Variants in KCND2 observed in about 807,000 individuals in gnomAD.
KCND2 encodes the protein A-type voltage-gated potassium channel KCND2.
Under a neutral mutation model 54.4 loss-of-function variants are expected in KCND2, and 16 were observed. That is an observed-to-expected ratio of 0.29 (90% CI 0.20 to 0.45). The LOEUF is 0.45. KCND2 is among the 20% of genes least tolerant of loss of function. The pLI is 1.00. For synonymous variants in KCND2, 317 were observed against 310.7 expected (o/e 1.02, Z -0.21); for missense variants, 486 against 824.2 (o/e 0.59, Z 5.02).
intron 1 of KCND2, among the ~76,000 whole-genome samples, chr7:120,471,659 C>T (rs1216591482): frequency 3.3e-5 from 5 of 152,106 alleles, no homozygotes; most frequent in Non-Finnish European, 7.4e-5. Context: ...CAATCACTGT[C>T]CTCAGGGTCT....
chr7:120,308,051 A>G (rs1237632054), intron 1 of KCND2, among the ~76,000 whole-genome samples: 1 of 152,060 alleles, frequency 6.6e-6, no homozygotes, highest in Non-Finnish European at 1.5e-5. Context: ...TGAATTGTTT[A>G]TGTGGACAAT....
At chr7:120,386,878 C>A (rs533450310) in intron 1 of KCND2, among the ~76,000 whole-genome samples, 1 of 152,192 alleles carries the variant, frequency 6.6e-6, no homozygotes, top group East Asian at 1.9e-4. Flanking sequence ...TATCAACATT[C>A]CAAGTATGAC....
intron 1 of KCND2, among the ~76,000 whole-genome samples, chr7:120,667,480 T>C (rs191190208): frequency 6.6e-5 from 10 of 152,086 alleles, no homozygotes; most frequent in African/African-American, 2.4e-4. Flanking sequence ...ATGAACCCCA[T>C]ACTGTGTGTA....
intron 1 of KCND2, among the ~76,000 whole-genome samples, chr7:120,502,607 G>A (rs1802952914): frequency 1.3e-5 from 2 of 152,012 alleles, no homozygotes; most frequent in Non-Finnish European, 2.9e-5. Flanking sequence ...CCTTCAGGTA[G>A]CTCTGTGGAA....
intron 1 of KCND2, among the ~76,000 whole-genome samples, chr7:120,344,402 C>T (rs1584739493): frequency 6.6e-6 from 1 of 152,156 alleles, no homozygotes; most frequent in East Asian, 1.9e-4. Context: ...AGAAAAACAA[C>T]TAAAGAGAAC....
At chr7:120,682,953 C>A (rs2116591969) in intron 1 of KCND2, among the ~76,000 whole-genome samples, 1 of 152,234 alleles carries the variant, frequency 6.6e-6, no homozygotes, top group South Asian at 2.1e-4. Context: ...CATAGAACAA[C>A]TTGCAAAGAA....
intron 1 of KCND2, among the ~76,000 whole-genome samples, chr7:120,457,316 C>A (rs887269905): frequency 3.3e-5 from 5 of 152,186 alleles, no homozygotes; most frequent in Non-Finnish European, 5.9e-5. Flanking sequence ...AATTTCTTCC[C>A]AGAAAATGGG....
intron 1 of KCND2, among the ~76,000 whole-genome samples, chr7:120,454,742 A>C (rs1211478384): frequency 1.3e-5 from 2 of 152,134 alleles, no homozygotes; most frequent in East Asian, 3.8e-4. Flanking sequence ...AAGTCATCCT[A>C]TCTCTATTAT....
intron 1 of KCND2, among the ~76,000 whole-genome samples, chr7:120,585,698 A>G (rs1792589397): frequency 6.6e-6 from 1 of 152,136 alleles, no homozygotes; most frequent in Non-Finnish European, 1.5e-5. Flanking sequence ...AGGGAAGGGA[A>G]TCAAGAATCT....
At chr7:120,726,382 C>A (rs1053794463) in intron 1 of KCND2, among the ~76,000 whole-genome samples, 1 of 152,094 alleles carries the variant, frequency 6.6e-6, no homozygotes, top group African/African-American at 2.4e-5. Context: ...TAAAAATCAT[C>A]CATCAAACTG....
At chr7:120,621,062 T>G (rs1383035665) in intron 1 of KCND2, among the ~76,000 whole-genome samples, 1 of 151,736 alleles carries the variant, frequency 6.6e-6, no homozygotes, top group Non-Finnish European at 1.5e-5. Flanking sequence ...ATCACGAGTT[T>G]AGGAGTTCGA....
chr7:120,356,061 A>C (rs1800499297), intron 1 of KCND2, among the ~76,000 whole-genome samples: 1 of 152,132 alleles, frequency 6.6e-6, no homozygotes, highest in Non-Finnish European at 1.5e-5. Context: ...ATATCAAATA[A>C]CACATTTAGA....
intron 1 of KCND2, among the ~76,000 whole-genome samples, chr7:120,657,575 G>A (rs1470175222): frequency 1.3e-5 from 2 of 152,170 alleles, no homozygotes; most frequent in Admixed American, 6.6e-5. Flanking sequence ...GGCCAGGTAA[G>A]GTGGCTAATG....
chr7:120,747,156 C>A (rs1020245929), intron 5 of KCND2, among the ~76,000 whole-genome samples: 5 of 151,942 alleles, frequency 3.3e-5, no homozygotes, highest in Admixed American at 3.3e-4. Context: ...TCCAATAATA[C>A]CATTTGGGAG....
intron 1 of KCND2, among the ~76,000 whole-genome samples, chr7:120,343,455 G>T (rs774305625): frequency 6.6e-6 from 1 of 152,078 alleles, no homozygotes; most frequent in Non-Finnish European, 1.5e-5. Flanking sequence ...ACATCAATGT[G>T]GTTTGTCACA....
chr7:120,483,836 G>C (rs969086282), intron 1 of KCND2, among the ~76,000 whole-genome samples: 1 of 152,172 alleles, frequency 6.6e-6, no homozygotes, highest in South Asian at 2.1e-4. Flanking sequence ...TAGACATGTC[G>C]AGTGTATAAA....
intron 1 of KCND2, among the ~76,000 whole-genome samples, chr7:120,393,280 G>C (rs767825573): frequency 6.6e-6 from 1 of 151,908 alleles, no homozygotes; most frequent in South Asian, 2.1e-4. Flanking sequence ...GAAATAAATC[G>C]TACCAATATG....
intron 1 of KCND2, among the ~76,000 whole-genome samples, chr7:120,626,770 A>G (rs78216550): frequency 0.03 from 4,530 of 152,294 alleles, 97 homozygotes; most frequent in Non-Finnish European, 0.044. Flanking sequence ...TCCTATTTTT[A>G]AAAATTAGAT....
chr7:120,453,675 C>T (rs181524280), intron 1 of KCND2, among the ~76,000 whole-genome samples: 1 of 152,056 alleles, frequency 6.6e-6, no homozygotes, highest in African/African-American at 2.4e-5. Context: ...TTGTAGTAAA[C>T]AATGAAATAA....
Sources: allele counts gnomAD v4.1 joint callset (sites outside exome capture counted in the v4.1 genomes callset), GRCh38; gene constraint gnomAD v4.1.1; transcripts MANE v1.5; gene names NCBI Gene and HGNC (gene_info 2026-07-23, HGNC 2026-07-21).